Variants in ANKRD30A observed in about 807,000 individuals in gnomAD.
The protein encoded by ANKRD30A is ankyrin repeat domain-containing protein 30A.
In ANKRD30A, 170 loss-of-function variants were observed where a neutral mutation model predicts 166.3. The ratio of observed to expected loss-of-function variants is 1.02; its 90% CI spans 0.90 to 1.16. The LOEUF is 1.16. Among genes scored for constraint, ANKRD30A ranks in the 50% most tolerant of loss-of-function variants. The probability of loss-of-function intolerance (pLI) is 0.00; values close to 1 mark genes in which losing one functional copy is unlikely to be tolerated. For missense variants in ANKRD30A, 1,630 were observed against 1,518.0 expected (o/e 1.07, Z -1.23); for synonymous variants, 564 against 508.9 (o/e 1.11, Z -1.46).
Position 37,216,182 on chromosome 10 carries a change from T to G in ANKRD30A, c.2871T>G (p.Asp957Glu). Residue 957 changes from aspartate (D) to glutamate (E), a missense_variant and splice_region_variant, in exon 32 of 36, where the codon GAT (aspartate) becomes GAG (glutamate). Physicochemically the swap from Asp to Glu is conservative, Grantham distance 45. Around this residue, in one of 4 missense-constraint regions of ANKRD30A, gnomAD observed 712 missense variants for 629.3 expected, o/e 1.13. Coordinates refer to ENST00000361713, the MANE Select transcript of ANKRD30A (RefSeq NM_052997.3). ...EMDKISGKLE[D>E]STSLSKILDT... ...ATTTGTATCTCCTCCTTGAGACAGATTCAACTAGCCTATCAAAAATCTTGG... is the reference window on the plus strand; with the variant it reads ...ATTTGTATCTCCTCCTTGAGACAGAGTCAACTAGCCTATCAAAAATCTTGG... The G allele has an allele frequency of 1.3e-6, 2 of 1,587,100 alleles. No homozygotes were observed. Among genetic ancestry groups the G allele is most frequent in the Non-Finnish European group, 1.7e-6 (2 of 1,163,718 alleles).
chr10:37,153,691 G>A, intron 13 of ANKRD30A, 29 bp downstream of exon 13: 1 of 1,453,550 alleles, frequency 6.9e-7, no homozygotes, highest in South Asian at 1.1e-5. Flanking sequence ...TTAAAAATCA[G>A]TTGACCGAAT....
At chr10:37,150,714 C>T (rs1292262950) in intron 11 of ANKRD30A, among the ~76,000 whole-genome samples, 1 of 151,954 alleles carries the variant, frequency 6.6e-6, no homozygotes, top group Non-Finnish European at 1.5e-5. Context: ...TTATAAAATT[C>T]CATTGTATGA....
At chr10:37,235,895 G>A (rs1195120031), downstream of ANKRD30A, among the ~76,000 whole-genome samples, 8 of 148,724 alleles carry the variant, frequency 5.4e-5, no homozygotes, top group South Asian at 2.2e-4. Context: ...ACAGCCTCCC[G>A]AGTAGCTGGG....
At position 37,212,238 on chromosome 10, in the gene ANKRD30A, C is replaced by A. The variant is rs183319940; in HGVS notation, c.2870-3943C>A. Among the ~76,000 whole-genome samples, 3 of 151,892 alleles carry A rather than the reference C, an allele frequency of 2.0e-5. No homozygotes were observed. In the South Asian group the frequency reaches 6.2e-4, roughly 31 times the overall value. On this transcript the variant is annotated intron_variant, in intron 31 of 35. Coordinates refer to ENST00000361713, the MANE Select transcript of ANKRD30A (RefSeq NM_052997.3). ...TATACACCAATAACAGACAAACAGA[C>A]AGCCAAATCATGAGTGAACTCCCAT...
the ANKRD30A span, among the ~76,000 whole-genome samples, chr10:37,238,318 CATTT>C: frequency 6.6e-6 from 1 of 152,124 alleles, no homozygotes; most frequent in Non-Finnish European, 1.5e-5. Context: ...CTCCTTCTAC[CATTT>C]ATTTATTTTT....
chr10:37,205,024 T>C (rs147273490), intron 31 of ANKRD30A, among the ~76,000 whole-genome samples: 1,801 of 152,274 alleles, frequency 0.012, 38 homozygotes, highest in East Asian at 0.095. Flanking sequence ...GTTCAACCAT[T>C]GTGGAAGACA....
At chr10:37,134,099 T>G in intron 5 of ANKRD30A, 46 bp downstream of exon 5, 1 of 1,600,382 alleles carries the variant, frequency 6.2e-7, no homozygotes. Context: ...ATAGTTTGTT[T>G]CAGGTAGTTT....
intron 13 of ANKRD30A, among the ~76,000 whole-genome samples, chr10:37,157,435 G>A (rs1207993390): frequency 3.9e-5 from 6 of 152,164 alleles, no homozygotes; most frequent in Non-Finnish European, 5.9e-5. Flanking sequence ...GCATGATCTT[G>A]GCTCATTGCA....
At chr10:37,264,805 C>A in the ANKRD30A span, among the ~76,000 whole-genome samples, 11 of 152,154 alleles carry the variant, frequency 7.2e-5, no homozygotes, top group African/African-American at 2.7e-4. Flanking sequence ...AATTAAAGCA[C>A]CTGGAAGATG....
intron 33 of ANKRD30A, 36 bp downstream of exon 33, chr10:37,217,914 A>G: frequency 7.1e-7 from 1 of 1,401,174 alleles, no homozygotes; most frequent in Non-Finnish European, 9.6e-7. Flanking sequence ...TATATTTCTA[A>G]CTTTATTTCA....
chr10:37,129,892 G>A lies in ANKRD30A; in HGVS notation c.222-1G>A, dbSNP rs777322288. 7 of 1,481,626 alleles carry A rather than the reference G, an allele frequency of 4.7e-6. No homozygotes were observed. Among genetic ancestry groups the A allele is most frequent in the Non-Finnish European group, 6.3e-6 (7 of 1,110,814 alleles). 91.8% of individuals were successfully genotyped at this position (1,481,626 alleles called of 1,614,324 possible). ...GCCAAAAAGTCCTCTCACTCTCGTAGGACTGCTCTACACTGGGCCTGTGTC... is the reference window on the plus strand; with the variant it reads ...GCCAAAAAGTCCTCTCACTCTCGTAAGACTGCTCTACACTGGGCCTGTGTC... On this transcript the variant is annotated splice_acceptor_variant, in intron 1 of 35. Coordinates refer to ENST00000361713, the MANE Select transcript of ANKRD30A (RefSeq NM_052997.3). LOFTEE classifies it high-confidence loss of function.
intron 31 of ANKRD30A, among the ~76,000 whole-genome samples, chr10:37,212,521 TA>T (rs1349156131): frequency 2.3e-4 from 35 of 152,116 alleles, no homozygotes; most frequent in South Asian, 1.9e-3. Flanking sequence ...AAAACTACTT[TA>T]AAGTTCATAT....
At chr10:37,249,636 C>A in the ANKRD30A span, among the ~76,000 whole-genome samples, 1 of 152,124 alleles carries the variant, frequency 6.6e-6, no homozygotes, top group East Asian at 1.9e-4. Context: ...TGGGCTTTAA[C>A]AGTTCTGTCA....
intron 6 of ANKRD30A, among the ~76,000 whole-genome samples, chr10:37,138,153 G>A (rs1284398180): frequency 2.6e-5 from 4 of 152,128 alleles, no homozygotes; most frequent in East Asian, 1.9e-4. Flanking sequence ...TCCAACAGAC[G>A]TGCAGCTGAG....
intron 27 of ANKRD30A, among the ~76,000 whole-genome samples, chr10:37,196,456 A>G (rs932803299): frequency 1.3e-5 from 2 of 152,234 alleles, no homozygotes; most frequent in Middle Eastern, 3.2e-3. Context: ...TTGCCATTCC[A>G]TAAAAATTTA....
In ANKRD30A at chr10:37,219,513, C is replaced by G. The variant is rs1348425119; in HGVS notation, c.3801C>G (p.Leu1267=). The change falls in exon 34 of 36, where the codon CTC becomes CTG. Residue 1267 remains leucine (L), a synonymous_variant. Coordinates refer to ENST00000361713, the MANE Select transcript of ANKRD30A (RefSeq NM_052997.3). ...QRKSKSLKIN[L]NYAGDALREN... ...AATCCAAAAGCCTAAAAATTAATCT[C>G]AATTATGCAGGAGATGCTCTAAGAG... The G allele has an allele frequency of 6.2e-7, 1 of 1,610,172 alleles. No individual in the cohort carries two copies. The highest frequency in any genetic ancestry group is 1.3e-5 in the African/African-American group (1 of 74,618).
At chr10:37,161,079 C>G (rs1008443699) in intron 15 of ANKRD30A, among the ~76,000 whole-genome samples, 3 of 152,186 alleles carry the variant, frequency 2.0e-5, no homozygotes, top group African/African-American at 7.2e-5. Flanking sequence ...AGGCGAAACC[C>G]TGTCTCTACT....
chr10:37,212,304 A>G (rs1445686917), intron 31 of ANKRD30A, among the ~76,000 whole-genome samples: 3 of 152,076 alleles, frequency 2.0e-5, no homozygotes, highest in Non-Finnish European at 4.4e-5. Flanking sequence ...TAGGAATCCA[A>G]CTTACAAGGG....
At chr10:37,228,057 T>C (rs139600865) in intron 34 of ANKRD30A, among the ~76,000 whole-genome samples, 44 of 152,046 alleles carry the variant, frequency 2.9e-4, no homozygotes, top group African/African-American at 1.1e-3. Flanking sequence ...TACTTCCCTC[T>C]GCTTAAATAG....
Sources: allele counts gnomAD v4.1 joint callset (sites outside exome capture counted in the v4.1 genomes callset), GRCh38; gene constraint gnomAD v4.1.1; regional missense constraint gnomAD v4.1.1; transcripts MANE v1.5; gene names NCBI Gene and HGNC (gene_info 2026-07-23, HGNC 2026-07-21).